Variants in DLC1 observed in about 807,000 individuals in gnomAD.
The protein encoded by DLC1 is DLC1 Rho GTPase activating protein, also known as rho GTPase-activating protein 7.
DLC1 carries 54 observed loss-of-function variants against 140.3 expected under a neutral mutation model. The observed-to-expected ratio is 0.38, with a 90% CI of 0.31 to 0.48. The LOEUF is 0.48. Among genes scored for constraint, DLC1 ranks in the 20% least tolerant of loss-of-function variants. The probability of loss-of-function intolerance (pLI) is 0.96; values close to 1 mark genes in which losing one functional copy is unlikely to be tolerated. For missense variants in DLC1, 2,536 were observed against 1,907.0 expected (o/e 1.33, Z -6.14); for synonymous variants, 986 against 728.1 (o/e 1.35, Z -5.70).
intron 4 of DLC1, among the ~76,000 whole-genome samples, chr8:13,349,077 A>G (rs1351649877): frequency 2.6e-5 from 4 of 152,184 alleles, no homozygotes; most frequent in Non-Finnish European, 4.4e-5. Context: ...CTGTCCGCCA[A>G]TTCAACAGGA....
At chr8:13,086,894 G>A (rs552807408) in intron 16 of DLC1, among the ~76,000 whole-genome samples, 2 of 152,140 alleles carry the variant, frequency 1.3e-5, no homozygotes, top group African/African-American at 4.8e-5. Context: ...GCATGGTGGT[G>A]TGCTCCTGTA....
intron 1 of DLC1, among the ~76,000 whole-genome samples, chr8:13,583,185 G>T (rs538996363): frequency 6.6e-6 from 1 of 152,218 alleles, no homozygotes; most frequent in East Asian, 1.9e-4. Flanking sequence ...TTTCCCTGCA[G>T]CATGAGATGC....
rs28666880 is a variant in DLC1 at position 13,149,582 on chromosome 8, C to T, written c.1349-33925G>A. ...AGGGTCCTTCTTCCTGGCTCTATCC[C>T]GACCCATCTGTACCTTCACTCTTCC... On this transcript the variant is annotated intron_variant, in intron 5 of 17. Transcript: ENST00000276297. Among the ~76,000 whole-genome samples the T allele has an allele frequency of 4.5e-3, 682 of 152,180 alleles. 3 individuals carry two copies. Among genetic ancestry groups the T allele is most frequent in the Non-Finnish European group, 7.8e-3 (533 of 68,004 alleles).
chr8:13,503,110 A>G (rs1383168407), intron 1 of DLC1, among the ~76,000 whole-genome samples: 1 of 152,250 alleles, frequency 6.6e-6, no homozygotes, highest in Non-Finnish European at 1.5e-5. Flanking sequence ...TATACATTAA[A>G]GTTGAACAAA....
At chr8:13,582,305 T>C (rs7005400) in intron 1 of DLC1, among the ~76,000 whole-genome samples, 44,278 of 152,060 alleles carry the variant, frequency 0.29, 7,177 homozygotes, top group African/African-American at 0.45. Context: ...TATAGGTACA[T>C]GTGATGGTTA....
intron 4 of DLC1, chr8:13,341,056 C>T (rs1834020993): frequency 6.6e-6 from 1 of 152,092 alleles, no homozygotes; most frequent in African/African-American, 2.4e-5. Context: ...AACGTGTGTT[C>T]AGTAGGATTT....
At chr8:13,577,118 T>C (rs552918367) in intron 1 of DLC1, among the ~76,000 whole-genome samples, 1 of 152,234 alleles carries the variant, frequency 6.6e-6, no homozygotes, top group East Asian at 1.9e-4. Context: ...CTTTCTACAT[T>C]TAAGAACAGT....
At chr8:13,594,569 T>G (rs904650529) in intron 1 of DLC1, among the ~76,000 whole-genome samples, 1 of 152,176 alleles carries the variant, frequency 6.6e-6, no homozygotes, top group Non-Finnish European at 1.5e-5. Flanking sequence ...TTCTCCTTCA[T>G]GTCTGTAACC....
At chr8:13,122,793 G>A (rs1158316737) in intron 5 of DLC1, among the ~76,000 whole-genome samples, 1 of 138,374 alleles carries the variant, frequency 7.2e-6, no homozygotes, top group Non-Finnish European at 1.5e-5. Flanking sequence ...CATCTGCTAT[G>A]CATAGTCTGA....
intron 5 of DLC1, among the ~76,000 whole-genome samples, chr8:13,258,738 T>C (rs1830359150): frequency 5.3e-5 from 8 of 152,212 alleles, no homozygotes; most frequent in Admixed American, 5.2e-4. Flanking sequence ...TCTATCTTTC[T>C]ATTTCATTTC....
chr8:13,172,691 T>A (rs933509846), intron 5 of DLC1, among the ~76,000 whole-genome samples: 2 of 152,214 alleles, frequency 1.3e-5, no homozygotes, highest in Non-Finnish European at 2.9e-5. Context: ...AATATAGATT[T>A]GTGTGGTTGT....
At chr8:13,103,256 A>C (rs1207955708) in intron 7 of DLC1, among the ~76,000 whole-genome samples, 1 of 152,024 alleles carries the variant, frequency 6.6e-6, no homozygotes, top group Admixed American at 6.5e-5. Flanking sequence ...GATTGCAGTG[A>C]GCCAAGATAG....
At chr8:13,161,752 T>G (rs1421664360) in intron 5 of DLC1, among the ~76,000 whole-genome samples, 1 of 152,220 alleles carries the variant, frequency 6.6e-6, no homozygotes, top group Admixed American at 6.5e-5. Flanking sequence ...CTTGTGGATG[T>G]CTTTTCTGAG....
intron 4 of DLC1, among the ~76,000 whole-genome samples, chr8:13,383,404 T>A (rs888664707): frequency 6.6e-6 from 1 of 152,178 alleles, no homozygotes; most frequent in Non-Finnish European, 1.5e-5. Flanking sequence ...GGGGCTGTGC[T>A]TGAGGAAGTG....
At position 13,393,541 on chromosome 8, in the gene DLC1, T is replaced by C. The variant is rs1184236872; in HGVS notation, c.1314+12A>G. 2 of 1,612,572 alleles carry C rather than the reference T, an allele frequency of 1.2e-6. No individual in the cohort carries two copies. Among genetic ancestry groups the C allele is most frequent in the South Asian group, 1.1e-5 (1 of 90,760 alleles). On this transcript the variant is annotated intron_variant, in intron 4 of 17. Coordinates refer to ENST00000276297, the MANE Select transcript of DLC1 (RefSeq NM_182643.3). ...TACACGTAGAGACTCTCTGTTATTATTTAGAACTCACCGTAGTCTTGGGTT... is the reference window on the plus strand; with the variant it reads ...TACACGTAGAGACTCTCTGTTATTACTTAGAACTCACCGTAGTCTTGGGTT...
chr8:13,151,769 G>A (rs1333377087), intron 5 of DLC1, among the ~76,000 whole-genome samples: 4 of 152,142 alleles, frequency 2.6e-5, no homozygotes, highest in Non-Finnish European at 4.4e-5. Flanking sequence ...GAAAACCTGA[G>A]TGTCTGAAGG....
chr8:13,483,105 C>T (rs2117126380), intron 2 of DLC1, among the ~76,000 whole-genome samples: 1 of 152,268 alleles, frequency 6.6e-6, no homozygotes, highest in South Asian at 2.1e-4. Context: ...CTAGTGGCTT[C>T]AGGCGCTCCT....
rs1227383312 is a variant in DLC1, at chr8:13,153,882, TA to T, written c.1349-38226del. ...GCTGATTGGTGTATTTACAGTCCTTTAGCTAGACATAAAGGTTCTCCAAGTC... is the reference window on the plus strand; with the variant it reads ...GCTGATTGGTGTATTTACAGTCCTTTGCTAGACATAAAGGTTCTCCAAGTC... On this transcript the variant is annotated intron_variant, in intron 5 of 17. Transcript: ENST00000276297. 3.3e-5 allele frequency among the ~76,000 whole-genome samples: 5 copies of T among 152,162 alleles called. No homozygotes were observed. In the East Asian group the frequency reaches 9.7e-4, roughly 29 times the overall value.
chr8:13,511,673 A>C (rs1802372475), intron 1 of DLC1, among the ~76,000 whole-genome samples: 1 of 151,548 alleles, frequency 6.6e-6, no homozygotes, highest in African/African-American at 2.4e-5. Context: ...TACTTCCCTC[A>C]AATTTGAAAG....
Sources: allele counts gnomAD v4.1 joint callset (sites outside exome capture counted in the v4.1 genomes callset), GRCh38; gene constraint gnomAD v4.1.1; transcripts MANE v1.5; gene names NCBI Gene and HGNC (gene_info 2026-07-23, HGNC 2026-07-21).